Variants in SAMD12 observed in about 807,000 individuals in gnomAD.
SAMD12 encodes sterile alpha motif domain-containing protein 12.
A neutral mutation model predicts 15.0 loss-of-function variants in SAMD12; 9 were observed. That is an observed-to-expected ratio of 0.60 (90% CI 0.36 to 1.05). SAMD12 has a LOEUF of 1.05. Ranked by LOEUF, SAMD12 falls within the 50% of genes least tolerant of loss-of-function variation. The probability of loss-of-function intolerance (pLI) is 0.01; values close to 1 mark genes in which losing one functional copy is unlikely to be tolerated. For missense variants in SAMD12, 230 were observed against 234.2 expected (o/e 0.98, Z 0.12); for synonymous variants, 86 against 90.1 (o/e 0.96, Z 0.25).
At chr8:118,179,241 T>C in the SAMD12 span, among the ~76,000 whole-genome samples, 197 of 152,044 alleles carry the variant, frequency 1.3e-3, no homozygotes, top group Admixed American at 2.5e-3. Context: ...AGTTTGAGAC[T>C]AGCCTGACCA....
At chr8:118,612,137 G>A (rs1296319895) in intron 1 of SAMD12, among the ~76,000 whole-genome samples, 1 of 152,190 alleles carries the variant, frequency 6.6e-6, no homozygotes, top group Admixed American at 6.5e-5. Context: ...TGGCAGGCAA[G>A]ACCAATTCCT....
At chr8:118,551,273 G>T (rs1274243839) in intron 2 of SAMD12, among the ~76,000 whole-genome samples, 1 of 150,656 alleles carries the variant, frequency 6.6e-6, no homozygotes, top group Non-Finnish European at 1.5e-5. Flanking sequence ...CACATAGTTG[G>T]AAGTAAAGCT....
chr8:118,176,116 A>G, the SAMD12 span, among the ~76,000 whole-genome samples: 1 of 152,140 alleles, frequency 6.6e-6, no homozygotes, highest in Non-Finnish European at 1.5e-5. Flanking sequence ...CCTGGCTAAC[A>G]CGGTGAAACC....
At chr8:118,240,629 C>T (rs28370840) in intron 4 of SAMD12, among the ~76,000 whole-genome samples, 6 of 152,190 alleles carry the variant, frequency 3.9e-5, no homozygotes, top group East Asian at 3.9e-4. Flanking sequence ...GCACCTAGTA[C>T]GTAGTCAGTA....
intron 2 of SAMD12, among the ~76,000 whole-genome samples, chr8:118,479,582 G>A (rs1249518071): frequency 1.3e-5 from 2 of 152,130 alleles, no homozygotes; most frequent in African/African-American, 4.8e-5. Flanking sequence ...TTATGGGAGT[G>A]CAACTCAAGA....
At chr8:118,604,720 G>C (rs1320019434) in intron 1 of SAMD12, among the ~76,000 whole-genome samples, 1 of 152,118 alleles carries the variant, frequency 6.6e-6, no homozygotes, top group Admixed American at 6.5e-5. Flanking sequence ...AGGAGATCAA[G>C]ACCATCCTGG....
intron 2 of SAMD12, among the ~76,000 whole-genome samples, chr8:118,545,360 G>A (rs539186777): frequency 2.0e-5 from 3 of 152,186 alleles, no homozygotes; most frequent in African/African-American, 7.2e-5. Context: ...CCAGCTACTG[G>A]GGAGGCTGAG....
At chr8:118,580,630 A>G in intron 2 of SAMD12, 85 bp downstream of exon 2, 1 of 893,698 alleles carries the variant, frequency 1.1e-6, no homozygotes, top group Non-Finnish European at 1.8e-6. Context: ...TAGTGAAAGC[A>G]CTATCAGCTC....
chr8:118,154,276 T>C, the SAMD12 span, among the ~76,000 whole-genome samples: 1 of 152,188 alleles, frequency 6.6e-6, no homozygotes, highest in South Asian at 2.1e-4. Context: ...TGTCCTCTCA[T>C]CACACTGGGC....
At chr8:118,264,953 A>G (rs886609907) in intron 4 of SAMD12, among the ~76,000 whole-genome samples, 12 of 152,174 alleles carry the variant, frequency 7.9e-5, no homozygotes, top group East Asian at 3.9e-4. Flanking sequence ...GGCAGGGCTC[A>G]GGTAATGTTG....
At position 118,209,469 on chromosome 8, in the gene SAMD12, G is replaced by A. The variant is rs574933822; in HGVS notation, c.434-11737C>T. ...CAGATAATTTCTCTGTGTGGGCAGA[G>A]CCTCAAAGCACGTTGCTATAAAACT... On this transcript the variant is annotated intron_variant, in intron 4 of 4. Coordinates refer to the SAMD12 transcript ENST00000409003. Among the ~76,000 whole-genome samples the A allele has an allele frequency of 2.6e-5, 4 of 152,298 alleles. No homozygotes were observed. The South Asian group carries it at 8.3e-4, about 32-fold the overall frequency.
intron 2 of SAMD12, among the ~76,000 whole-genome samples, chr8:118,490,744 A>G (rs1173487681): frequency 6.6e-6 from 1 of 152,220 alleles, no homozygotes; most frequent in East Asian, 1.9e-4. Flanking sequence ...GAAATAAAGA[A>G]GAAAATGGGC....
the SAMD12 span, among the ~76,000 whole-genome samples, chr8:118,183,571 T>A: frequency 6.6e-6 from 1 of 152,046 alleles, no homozygotes; most frequent in South Asian, 2.1e-4. Flanking sequence ...TGTTTCCCAG[T>A]CAGAAATAAC....
At chr8:118,589,239 A>C (rs931837777) in intron 1 of SAMD12, among the ~76,000 whole-genome samples, 1 of 152,178 alleles carries the variant, frequency 6.6e-6, no homozygotes, top group Non-Finnish European at 1.5e-5. Context: ...GTAGCCTGAC[A>C]ATGATGATGT....
At chr8:118,486,392 G>A (rs2131003110) in intron 2 of SAMD12, among the ~76,000 whole-genome samples, 1 of 150,284 alleles carries the variant, frequency 6.7e-6, no homozygotes, top group Admixed American at 6.7e-5. Context: ...CTCCAGCCTG[G>A]GTGACAGAGA....
chr8:118,396,869 A>G (rs1820599795), intron 3 of SAMD12, among the ~76,000 whole-genome samples: 1 of 152,186 alleles, frequency 6.6e-6, no homozygotes, highest in Non-Finnish European at 1.5e-5. Flanking sequence ...GGTAACAGGA[A>G]GATACTCAGA....
intron 4 of SAMD12, among the ~76,000 whole-genome samples, chr8:118,361,155 C>T (rs1818480792): frequency 6.6e-6 from 1 of 152,194 alleles, no homozygotes. Flanking sequence ...TGTGAGTCCC[C>T]ACTATACAAT....
intron 4 of SAMD12, among the ~76,000 whole-genome samples, chr8:118,337,135 A>C (rs1219894181): frequency 6.6e-6 from 1 of 152,064 alleles, no homozygotes; most frequent in South Asian, 2.1e-4. Flanking sequence ...TGTTGTGCAC[A>C]TGTACCCTAG....
chr8:118,576,854 C>T (rs1294456045), intron 2 of SAMD12, among the ~76,000 whole-genome samples: 1 of 152,186 alleles, frequency 6.6e-6, no homozygotes, highest in East Asian at 1.9e-4. Flanking sequence ...CTCAACTTGG[C>T]AGCTGTGTGG....
Sources: gnomAD v4.1 joint callset for allele counts (sites outside exome capture counted in the v4.1 genomes callset) on GRCh38, gnomAD v4.1.1 for gene constraint, MANE v1.5 for transcripts, NCBI Gene and HGNC (gene_info 2026-07-23, HGNC 2026-07-21) for gene names.